Variants in CD164L2 observed in about 807,000 individuals in gnomAD.
CD164L2 encodes CD164 molecule like 2, also known as CD164 sialomucin-like 2 protein.
In CD164L2, 21 loss-of-function variants were observed where a neutral mutation model predicts 23.9. That is an observed-to-expected ratio of 0.88 (90% CI 0.62 to 1.27). The LOEUF (loss-of-function observed/expected upper bound fraction) is 1.27. CD164L2 is among the 50% of genes most tolerant of loss of function. The pLI is 0.00. For synonymous variants in CD164L2, 92 were observed against 90.2 expected (o/e 1.02, Z -0.11); for missense variants, 230 against 224.8 (o/e 1.02, Z -0.15).
chr1:27,381,936 A>G (rs2148077955), intron 3 of CD164L2, 112 bp from the exon 4 acceptor site: 3 of 1,429,112 alleles, frequency 2.1e-6, no homozygotes, highest in Non-Finnish European at 2.9e-6. Context: ...CCCTGTCCCT[A>G]CTCTAGACAT....
Position 27,382,661 on chromosome 1 carries a change from C to A in CD164L2, c.95G>T (p.Gly32Val). ...GGCTCCCCTCCCAAAGCCTCGAGCT[C>A]CTTTACCTGGTAGTGCGGTGGAGTG... ...LCAQLAVAGK[G>V]ARGFGRGALI... Residue 32 changes from glycine (G) to valine (V), a missense_variant, in exon 2 of 6, where the codon GGA becomes GTA. By Grantham distance (109) the Gly-to-Val change is moderately radical (BLOSUM62 -3). Coordinates refer to ENST00000374030, the MANE Select transcript of CD164L2 (RefSeq NM_001330448.1). 1 of 1,610,380 alleles carries A rather than the reference C, an allele frequency of 6.2e-7. No individual in the cohort carries two copies. Among genetic ancestry groups the A allele is most frequent in the Non-Finnish European group, 8.5e-7 (1 of 1,178,928 alleles).
intron 4 of CD164L2, 141 bp downstream of exon 4, chr1:27,381,639 A>G: frequency 1.2e-6 from 1 of 856,464 alleles, no homozygotes; most frequent in South Asian, 1.8e-5. Flanking sequence ...GCATCATCCA[A>G]CCCATTTCAC....
At position 27,382,580 on chromosome 1, in the gene CD164L2, A is replaced by G. The variant is rs772329179; in HGVS notation, c.176T>C (p.Val59Ala). 6 of 1,613,238 alleles carry G rather than the reference A, an allele frequency of 3.7e-6. No individual in the cohort carries two copies. Among genetic ancestry groups the G allele is most frequent in the Non-Finnish European group, 4.2e-6 (5 of 1,179,892 alleles). ...AVQGACKQLE[V>A]CEHCVEGDGA... is the part of the protein sequence containing the mutation. ...GTCTCCCTCCACGCAGTGCTCACAG[A>G]CCTCCAGCTGTTTGCAGGCCCCTTG... The change falls in exon 2 of 6, where the codon GTC becomes GCC. Residue 59 changes from valine (V) to alanine (A), a missense_variant. Physicochemically the swap from Val to Ala is moderately conservative, Grantham distance 64. Transcript: ENST00000374030.
intron 4 of CD164L2, 85 bp downstream of exon 4, chr1:27,381,695 A>G (rs956860848): frequency 1.3e-6 from 2 of 1,482,310 alleles, no homozygotes; most frequent in South Asian, 1.2e-5. Context: ...GGCCGAGGTC[A>G]CAGAGCATGT....
In CD164L2 at chr1:27,382,734, C is replaced by T. The variant is rs1571100498; in HGVS notation, c.89-67G>A. 4 of 1,472,260 alleles carry T rather than the reference C, an allele frequency of 2.7e-6. No individual in the cohort carries two copies. In the East Asian group the frequency reaches 7.5e-5, roughly 28 times the overall value. 91.2% of individuals were successfully genotyped at this position (1,472,260 alleles called of 1,614,324 possible). Reference sequence around the variant, plus strand: ...CAAGCTGTGGCACCCGCCCACCCTCCCACCCAACACTCCGGTGGCCCTCGC... The same window carrying T: ...CAAGCTGTGGCACCCGCCCACCCTCTCACCCAACACTCCGGTGGCCCTCGC... On this transcript the variant is annotated intron_variant, in intron 1 of 5. Coordinates refer to ENST00000374030, the MANE Select transcript of CD164L2 (RefSeq NM_001330448.1).
chr1:27,382,215 C>A (rs2016347593), intron 3 of CD164L2, 113 bp downstream of exon 3: 6 of 1,609,562 alleles, frequency 3.7e-6, no homozygotes, highest in Non-Finnish European at 5.1e-6. Context: ...TGATACCGGG[C>A]CCAGGTATGG....
intron 4 of CD164L2, among the ~76,000 whole-genome samples, chr1:27,380,902 G>T (rs535304720): frequency 6.6e-6 from 1 of 152,370 alleles, no homozygotes; most frequent in East Asian, 1.9e-4. Context: ...GGCCATGGTT[G>T]CCAGGCTATG....
In CD164L2 at chr1:27,382,647, C is replaced by T; in HGVS notation, c.109G>A (p.Gly37Arg). 1 of 1,612,032 alleles carries T rather than the reference C, an allele frequency of 6.2e-7. No individual in the cohort carries two copies. The highest frequency in any genetic ancestry group is 8.5e-7 in the Non-Finnish European group (1 of 1,179,682). ...TTCAGGCGGATCAGGGCTCCCCTCC[C>T]AAAGCCTCGAGCTCCTTTACCTGGT... ...AVAGKGARGF[G>R]RGALIRLNIW... Residue 37 changes from glycine (G) to arginine (R), a missense_variant, in exon 2 of 6, where the codon GGG becomes AGG. Transcript: ENST00000374030.
chr1:27,382,114 A>G, intron 3 of CD164L2: 1 of 1,495,318 alleles, frequency 6.7e-7, no homozygotes, highest in South Asian at 1.3e-5. Context: ...AAGAGCTAAC[A>G]CTCCCATCCC....
chr1:27,382,272 C>T (rs757123417), intron 3 of CD164L2, 56 bp downstream of exon 3: 62 of 1,614,088 alleles, frequency 3.8e-5, no homozygotes, highest in Non-Finnish European at 5.2e-5. Flanking sequence ...TCCTGGGGGG[C>T]AGGCTATGGC....
In CD164L2 at chr1:27,382,330, G is replaced by T; in HGVS notation, c.326C>A (p.Pro109Gln). 6.2e-7 allele frequency: 1 copy of T among 1,614,118 alleles called. No individual in the cohort carries two copies. Among genetic ancestry groups the T allele is most frequent in the Non-Finnish European group, 8.5e-7 (1 of 1,179,984 alleles). The change falls in exon 3 of 6, where the codon CCA (proline) becomes CAA (glutamine). Residue 109 changes from proline (P) to glutamine (Q), a missense_variant and splice_region_variant. Coordinates refer to ENST00000374030, the MANE Select transcript of CD164L2 (RefSeq NM_001330448.1). The part of the protein sequence containing the change: ...CSIYNRSEAC[P>Q]AAHHHPTYEP... ...CTTAGGTGCAAGAACCCCCTTACCT[G>T]GACATGCCTCTGAGCGGTTGTAGAT...
At position 27,380,193 on chromosome 1, in the gene CD164L2, T is replaced by C. The variant is rs1393701100; in HGVS notation, c.376A>G (p.Ser126Gly). ...CTGTGGGCCTCAGGGACTGGGGGGC[T>C]CCCTGCAGGGGTGAGGCAGGGCAGG... ...TYEPKTVTTG[S>G]PPVPEAHSPG... is the part of the protein sequence containing the mutation. Residue 126 changes from serine to glycine, a missense_variant and splice_region_variant, in exon 5 of 6, where the codon AGC becomes GGC. By Grantham distance (56) the Ser-to-Gly change is moderately conservative. Transcript: ENST00000374030. The C allele has an allele frequency of 6.2e-7, 1 of 1,613,780 alleles. No individual in the cohort carries two copies. The highest frequency in any genetic ancestry group is 2.2e-5 in the East Asian group (1 of 44,880).
chr1:27,382,688 G>A, intron 1 of CD164L2, 21 bp from the exon 2 acceptor site: 2 of 1,594,246 alleles, frequency 1.3e-6, no homozygotes, highest in Non-Finnish European at 8.6e-7. Context: ...GGTGGAGTGG[G>A]AAGGGAGAAT....
At chr1:27,380,339 C>T in intron 4 of CD164L2, 144 bp from the exon 5 acceptor site, 1 of 726,220 alleles carries the variant, frequency 1.4e-6, no homozygotes, top group South Asian at 1.8e-5. Flanking sequence ...TAGTCCAGAT[C>T]CCGCAGGCAG....
At position 27,383,248 on chromosome 1, in the gene CD164L2, G is replaced by A. The variant is rs1442031634; in HGVS notation, c.-9C>T. ...GGTCCCGGAGCCTCCATGGGCTCGCGGGGTGGGGGTGGCCGGGGGCGGTGG... is the reference window on the plus strand; with the variant it reads ...GGTCCCGGAGCCTCCATGGGCTCGCAGGGTGGGGGTGGCCGGGGGCGGTGG... On this transcript the variant is annotated 5_prime_UTR_variant, in exon 1 of 6. Coordinates refer to ENST00000374030, the MANE Select transcript of CD164L2 (RefSeq NM_001330448.1). The A allele has an allele frequency of 6.5e-7, 1 of 1,532,862 alleles. No homozygotes were observed. The highest frequency in any genetic ancestry group is 1.4e-5 in the African/African-American group (1 of 72,616). The allele number at this position is 1,532,862 out of a possible 1,614,324, so 95.0% of individuals were successfully genotyped here. A position where few individuals can be genotyped will look rare whatever the true frequency, so the allele number is the denominator to read the frequency against.
chr1:27,381,870 G>A, intron 3 of CD164L2, 46 bp from the exon 4 acceptor site: 1 of 1,610,746 alleles, frequency 6.2e-7, no homozygotes. Flanking sequence ...CCCACCCCCT[G>A]ACTCCCATCA....
chr1:27,382,486 G>A lies in CD164L2; in HGVS notation c.256+14C>T, dbSNP rs745597977. ...GCTGGGGGCACTCAATCTGGGGAGG[G>A]CTCAGCTCCATACCTGGCTCCTCTG... is the stretch of plus-strand genomic sequence containing the variant. On this transcript the variant is annotated intron_variant, in intron 2 of 5. Transcript: ENST00000374030. 5 of 1,594,112 alleles carry A rather than the reference G, an allele frequency of 3.1e-6. No homozygotes were observed. Among genetic ancestry groups the A allele is most frequent in the African/African-American group, 1.3e-5 (1 of 74,576 alleles).
Position 27,379,517 on chromosome 1 carries a change from G to C in CD164L2, c.519-8C>G, listed in dbSNP as rs1051197223. 5.8e-6 allele frequency: 9 copies of C among 1,550,478 alleles called. No individual in the cohort carries two copies. The highest frequency in any genetic ancestry group is 2.4e-5 in the East Asian group (1 of 40,916). On this transcript the variant is annotated splice_polypyrimidine_tract_variant and splice_region_variant and intron_variant, in intron 5 of 5. Coordinates refer to ENST00000374030, the MANE Select transcript of CD164L2 (RefSeq NM_001330448.1). ...GCCCAAAGGGGTCAGATTCTGCAGA[G>C]GCCAAAGAGGACACTCAGGAAGGTG...
chr1:27,379,768 C>G (rs1229667438), intron 5 of CD164L2: 2 of 1,436,886 alleles, frequency 1.4e-6, no homozygotes, highest in Non-Finnish European at 1.8e-6. Context: ...CTGGCACCTA[C>G]TGGTTCTCTT....
Sources: gnomAD v4.1 joint callset for allele counts (sites outside exome capture counted in the v4.1 genomes callset) on GRCh38, gnomAD v4.1.1 for gene constraint, MANE v1.5 for transcripts, NCBI Gene and HGNC (gene_info 2026-07-23, HGNC 2026-07-21) for gene names.